Variants in EVL observed in about 807,000 individuals in gnomAD.
EVL encodes the protein ena/VASP-like protein.
Under a neutral mutation model 59.6 loss-of-function variants are expected in EVL, and 21 were observed. That is an observed-to-expected ratio of 0.35 (90% CI 0.25 to 0.51). EVL has a LOEUF of 0.51. EVL is among the 20% of genes least tolerant of loss of function. EVL has a pLI of 0.97. For synonymous variants in EVL, 198 were observed against 203.5 expected, an observed-to-expected ratio of 0.97 and a Z score of 0.23; for missense variants, 462 against 546.6, an observed-to-expected ratio of 0.85 and a Z score of 1.54.
chr14:100,094,042 T>C (rs2140314929), intron 2 of EVL, among the ~76,000 whole-genome samples: 1 of 152,342 alleles, frequency 6.6e-6, no homozygotes, highest in African/African-American at 2.4e-5. Context: ...TATATAGGGT[T>C]CTGTACTACC....
chr14:100,101,952 C>T (rs1247772023), intron 3 of EVL, among the ~76,000 whole-genome samples: 4 of 152,162 alleles, frequency 2.6e-5, no homozygotes, highest in Non-Finnish European at 2.9e-5. Flanking sequence ...ATTCCCTTGC[C>T]TCAGCCTCAT....
chr14:100,070,515 C>T (rs1413155792), intron 1 of EVL, among the ~76,000 whole-genome samples: 2 of 152,194 alleles, frequency 1.3e-5, no homozygotes, highest in Admixed American at 6.5e-5. Flanking sequence ...TGTCCTGTAG[C>T]ACCCCGTGCC....
rs1252547414 is a variant in EVL, at chr14:100,004,072, C to T, written c.5+32015C>T. On this transcript the variant is annotated intron_variant, in intron 1 of 13. Transcript: ENST00000402714. ...TACAAAAATTAGCTGCATGTGGTGACGTGCGCCTGTAATCCCAGCTACTTG... is the reference window on the plus strand; with the variant it reads ...TACAAAAATTAGCTGCATGTGGTGATGTGCGCCTGTAATCCCAGCTACTTG... Among the ~76,000 whole-genome samples, 5 of 152,136 alleles carry T rather than the reference C, an allele frequency of 3.3e-5. 1 individual carries two copies. The highest frequency in any genetic ancestry group is 7.2e-5 in the African/African-American group (3 of 41,448).
intron 1 of EVL, among the ~76,000 whole-genome samples, chr14:100,035,208 C>A (rs1047526250): frequency 5.9e-5 from 9 of 152,058 alleles, no homozygotes; most frequent in Admixed American, 5.9e-4. Context: ...AAAATCAGAA[C>A]CTATGTTTCC....
At chr14:100,054,802 T>G (rs1326565863) in intron 1 of EVL, among the ~76,000 whole-genome samples, 2 of 152,088 alleles carry the variant, frequency 1.3e-5, no homozygotes, top group Admixed American at 1.3e-4. Context: ...TGAATGACAT[T>G]AAACTTTTCT....
Position 100,130,735 on chromosome 14 carries a change from T to C in EVL, c.839+1051T>C, listed in dbSNP as rs1888382266. Among the ~76,000 whole-genome samples the C allele has an allele frequency of 6.6e-6, 1 of 152,216 alleles. No individual in the cohort carries two copies. The highest frequency in any genetic ancestry group is 2.4e-5 in the African/African-American group (1 of 41,464). On this transcript the variant is annotated intron_variant, in intron 7 of 13. Transcript: ENST00000392920. The surrounding 1 kb of genome is among the most constrained non-coding windows in gnomAD (Gnocchi z 4.8). ...TGGCAGGGCCACAGCCTGGGTTTCCTGCCAAGGGGCTCTTTGCTTGCATCA... is the reference window on the plus strand; with the variant it reads ...TGGCAGGGCCACAGCCTGGGTTTCCCGCCAAGGGGCTCTTTGCTTGCATCA...
chr14:100,070,316 T>TAACA (rs2062023314), intron 1 of EVL, among the ~76,000 whole-genome samples: 1 of 152,158 alleles, frequency 6.6e-6, no homozygotes, highest in Non-Finnish European at 1.5e-5. Flanking sequence ...CCAGGTCACA[T>TAACA]TGTTGTCACT....
chr14:99,995,787 A>G (rs2060908973), intron 1 of EVL, among the ~76,000 whole-genome samples: 1 of 152,092 alleles, frequency 6.6e-6, no homozygotes, highest in Admixed American at 6.6e-5. Context: ...AGAACTCTCA[A>G]GCCTTTTCTT....
rs373495571 is a variant in EVL, at chr14:99,984,683, G to A, written c.5+12626G>A. 3.3e-4 allele frequency among the ~76,000 whole-genome samples: 50 copies of A among 152,044 alleles called. No individual in the cohort carries two copies. The East Asian group carries it at 7.7e-3, about 24-fold the overall frequency. On this transcript the variant is annotated intron_variant, in intron 1 of 13. Coordinates refer to the EVL transcript ENST00000402714. Reference sequence around the variant, plus strand: ...GGCTGGAGTGCAGTGGTGCGATCTCGGCTCACTGCAACCTCCACCTCCCAG... The same window carrying A: ...GGCTGGAGTGCAGTGGTGCGATCTCAGCTCACTGCAACCTCCACCTCCCAG...
chr14:99,993,685 CTTTTT>C (rs532512303), intron 1 of EVL, among the ~76,000 whole-genome samples: 386 of 78,246 alleles, frequency 4.9e-3, no homozygotes, highest in Non-Finnish European at 7.7e-3. Context: ...TTCTTTCTTT[CTTTTT>C]TTTTTTTTTT....
At chr14:100,007,125 C>T (rs1279853766) in intron 1 of EVL, among the ~76,000 whole-genome samples, 2 of 151,998 alleles carry the variant, frequency 1.3e-5, no homozygotes, top group Admixed American at 1.3e-4. Flanking sequence ...TCAACAGGTC[C>T]TGACGATATG....
rs1169521090 is a variant in EVL at position 100,120,344 on chromosome 14, C to T, written c.359-3195C>T. 3.3e-5 allele frequency among the ~76,000 whole-genome samples: 5 copies of T among 152,178 alleles called. No homozygotes were observed. In the East Asian group the frequency reaches 9.6e-4, roughly 29 times the overall value. ...TGGAATATGAACTAAGTGTCTGATG[C>T]GAGCCAGGCTATGAGCGTGGAGTGC... is the stretch of plus-strand genomic sequence containing the variant. On this transcript the variant is annotated intron_variant, in intron 3 of 13. Coordinates refer to ENST00000392920, the MANE Select transcript of EVL (RefSeq NM_016337.3).
Position 99,994,990 on chromosome 14 carries a change from C to T in EVL, c.5+22933C>T, listed in dbSNP as rs1013151940. On this transcript the variant is annotated intron_variant, in intron 1 of 13. Transcript: ENST00000402714. ...TATCATCCCACTCCCTTCTGGCCTG[C>T]AAGATTCCTACTTAGAAATTATTTG... Among the ~76,000 whole-genome samples the T allele has an allele frequency of 4.6e-5, 7 of 152,208 alleles. No homozygotes were observed. The South Asian group carries it at 1.2e-3, about 27-fold the overall frequency.
rs869205625 is a variant in EVL, at chr14:100,047,118, C to CTTTTTTTTTTT, written c.6-37552_6-37542dup. ...TGAGACCTTGGGCAGATCTCTCTCT[C>CTTTTTTTTTTT]TTTTTTTTTTTTTTTTTTTTTTTTT... On this transcript the variant is annotated intron_variant, in intron 1 of 13. Transcript: ENST00000402714. Among the ~76,000 whole-genome samples, 168 of 23,832 alleles carry CTTTTTTTTTTT rather than the reference C, an allele frequency of 7.0e-3. 5 individuals are homozygous for CTTTTTTTTTTT. Among genetic ancestry groups the CTTTTTTTTTTT allele is most frequent in the African/African-American group, 0.022 (159 of 7,238 alleles). 15.6% of individuals were successfully genotyped at this position (23,832 alleles called of 152,430 possible). A position where few individuals can be genotyped will look rare whatever the true frequency, so the allele number is the denominator to read the frequency against.
intron 1 of EVL, among the ~76,000 whole-genome samples, chr14:100,069,730 G>T (rs756430773): frequency 9.2e-5 from 14 of 152,170 alleles, no homozygotes; most frequent in South Asian, 2.1e-4. Flanking sequence ...ACGATACTCA[G>T]GTGGGCTGGG....
chr14:100,061,994 G>T (rs1386265972), upstream of EVL, among the ~76,000 whole-genome samples: 1 of 151,894 alleles, frequency 6.6e-6, no homozygotes, highest in Non-Finnish European at 1.5e-5. Context: ...CCTGGGTCAG[G>T]CATGGTGGTA....
chr14:100,072,996 T>C (rs927585966), intron 1 of EVL, among the ~76,000 whole-genome samples: 1 of 152,166 alleles, frequency 6.6e-6, no homozygotes, highest in Non-Finnish European at 1.5e-5. Context: ...AGAAAATCAC[T>C]GCAGAATGTT....
chr14:100,013,995 C>T (rs2061034167), intron 1 of EVL, among the ~76,000 whole-genome samples: 1 of 152,082 alleles, frequency 6.6e-6, no homozygotes, highest in African/African-American at 2.4e-5. Flanking sequence ...ATGGGGTATC[C>T]ATCACCTCAA....
intron 1 of EVL, among the ~76,000 whole-genome samples, chr14:100,047,210 T>C (rs1287870341): frequency 6.7e-6 from 1 of 148,376 alleles, no homozygotes; most frequent in Non-Finnish European, 1.5e-5. Flanking sequence ...GGGTTTAATC[T>C]GAAAACAATC....
Sources: allele counts gnomAD v4.1 joint callset (sites outside exome capture counted in the v4.1 genomes callset), GRCh38; gene constraint gnomAD v4.1.1; non-coding constraint Gnocchi (gnomAD v3.1); transcripts MANE v1.5; gene names NCBI Gene and HGNC (gene_info 2026-07-23, HGNC 2026-07-21).